The following ATP5MF variants were observed in gnomAD, a reference collection of about 807,000 sequenced individuals.
The protein encoded by ATP5MF is ATP synthase membrane subunit f.
Under a neutral mutation model 13.8 loss-of-function variants are expected in ATP5MF, and 10 were observed. The observed-to-expected ratio is 0.72, with a 90% CI of 0.45 to 1.23. The LOEUF (loss-of-function observed/expected upper bound fraction) is 1.23. Among genes scored for constraint, ATP5MF ranks in the 50% most tolerant of loss-of-function variants. The pLI is 0.00. For synonymous variants in ATP5MF, 40 were observed against 45.8 expected (o/e 0.87, Z 0.51); for missense variants, 122 against 118.2 (o/e 1.03, Z -0.15).
chr7:99,461,298 C>G (rs1040603035), intron 1 of ATP5MF, among the ~76,000 whole-genome samples: 1 of 152,040 alleles, frequency 6.6e-6, no homozygotes, highest in Non-Finnish European at 1.5e-5. Context: ...CTCACTGAGC[C>G]TCCTGGACTC....
At chr7:99,464,964 C>CA (rs201117864) in intron 1 of ATP5MF, among the ~76,000 whole-genome samples, 13,607 of 147,638 alleles carry the variant, frequency 0.092, 1,014 homozygotes, top group African/African-American at 0.21. Flanking sequence ...GACTCCATGT[C>CA]AAAAAAAAAG....
chr7:99,465,004 A>AGTC (rs1302763267), intron 1 of ATP5MF, among the ~76,000 whole-genome samples: 1 of 152,008 alleles, frequency 6.6e-6, no homozygotes, highest in Non-Finnish European at 1.5e-5. Context: ...TCACACCTGT[A>AGTC]GTCCCAGCAC....
At chr7:99,464,113 G>A (rs758929849) in intron 1 of ATP5MF, among the ~76,000 whole-genome samples, 14 of 152,182 alleles carry the variant, frequency 9.2e-5, no homozygotes, top group East Asian at 1.9e-4. Flanking sequence ...AGCTCACACC[G>A]ACTGAGTACT....
Position 99,466,143 on chromosome 7 carries a change from T to C in ATP5MF, c.-2A>G. 6.2e-7 allele frequency: 1 copy of C among 1,614,190 alleles called. No individual in the cohort carries two copies. Among genetic ancestry groups the C allele is most frequent in the Non-Finnish European group, 8.5e-7 (1 of 1,180,028 alleles). On this transcript the variant is annotated 5_prime_UTR_variant, in exon 1 of 4. Transcript: ENST00000292475. Reference sequence around the variant, plus strand: ...CGGACACTCACCAACTGACGCCATTTTGGAGTCCTGGTGTCCGCTGTGCCG... The same window carrying C: ...CGGACACTCACCAACTGACGCCATTCTGGAGTCCTGGTGTCCGCTGTGCCG...
intron 1 of ATP5MF, among the ~76,000 whole-genome samples, chr7:99,463,895 G>A (rs919124701): frequency 3.3e-5 from 5 of 152,182 alleles, no homozygotes; most frequent in Admixed American, 2.0e-4. Flanking sequence ...TGCCAACCGC[G>A]ATCTTATCTA....
chr7:99,462,605 T>C lies in ATP5MF; in HGVS notation c.32-2412A>G, dbSNP rs567004944. The stretch of plus-strand genomic sequence containing the variant: ...GCCTGGCCAACATAGTGAAACCTCA[T>C]CTCTACTAAAAATACAAAAATTAGC... On this transcript the variant is annotated intron_variant, in intron 1 of 3. Coordinates refer to ENST00000292475, the MANE Select transcript of ATP5MF (RefSeq NM_004889.5). 1.3e-3 allele frequency among the ~76,000 whole-genome samples: 201 copies of C among 150,218 alleles called. 1 individual carries two copies. Among genetic ancestry groups the C allele is most frequent in the African/African-American group, 4.6e-3 (189 of 40,682 alleles).
At chr7:99,459,718 T>C (rs35296070) in intron 2 of ATP5MF, 7,144 of 262,030 alleles carry the variant, frequency 0.027, 123 homozygotes, top group South Asian at 0.046. Flanking sequence ...CAGGCCAAGA[T>C]AGGCCATTTC....
intron 3 of ATP5MF, 81 bp downstream of exon 3, chr7:99,459,066 G>C: frequency 9.5e-7 from 1 of 1,055,722 alleles, no homozygotes; most frequent in Non-Finnish European, 1.5e-6. Flanking sequence ...CTCAGAAGAA[G>C]GTGGGCTGCT....
At chr7:99,459,019 T>C in intron 3 of ATP5MF, 128 bp downstream of exon 3, 1 of 660,974 alleles carries the variant, frequency 1.5e-6, no homozygotes, top group Non-Finnish European at 2.6e-6. Flanking sequence ...TTCTTTTAGG[T>C]GGAAACATAA....
At chr7:99,462,288 T>TAAAAAAA (rs755455949) in intron 1 of ATP5MF, among the ~76,000 whole-genome samples, 15 of 30,872 alleles carry the variant, frequency 4.9e-4, no homozygotes, top group Non-Finnish European at 7.0e-4. Context: ...CCATCACTAC[T>TAAAAAAA]AAAAAAAAAA....
At chr7:99,465,724 G>A (rs759867056) in intron 1 of ATP5MF, among the ~76,000 whole-genome samples, 5 of 152,196 alleles carry the variant, frequency 3.3e-5, no homozygotes, top group Non-Finnish European at 7.3e-5. Context: ...AGCTCCTCCT[G>A]GAGCTTCATC....
At chr7:99,461,568 G>A (rs1798602789) in intron 1 of ATP5MF, among the ~76,000 whole-genome samples, 2 of 152,032 alleles carry the variant, frequency 1.3e-5, no homozygotes, top group African/African-American at 2.4e-5. Flanking sequence ...GGGAGGCCAG[G>A]GCACAGTAGT....
intron 1 of ATP5MF, among the ~76,000 whole-genome samples, chr7:99,464,202 G>C (rs191881513): frequency 3.3e-5 from 5 of 152,352 alleles, no homozygotes; most frequent in Admixed American, 2.6e-4. Flanking sequence ...CTTGACCACA[G>C]CCCTATGCTT....
chr7:99,460,336 G>A (rs1435359673), intron 1 of ATP5MF, 143 bp from the exon 2 acceptor site: 5 of 910,602 alleles, frequency 5.5e-6, no homozygotes, highest in South Asian at 1.5e-5. Flanking sequence ...ATATTATGAA[G>A]AAATATGTCA....
At chr7:99,460,454 C>A (rs1249094779) in intron 1 of ATP5MF, 1 of 683,488 alleles carries the variant, frequency 1.5e-6, no homozygotes, top group Non-Finnish European at 2.7e-6. Flanking sequence ...GGGAGTAACT[C>A]CAGAAAAGGG....
intron 1 of ATP5MF, among the ~76,000 whole-genome samples, chr7:99,460,978 G>C (rs1798575364): frequency 6.6e-6 from 1 of 152,176 alleles, no homozygotes; most frequent in Non-Finnish European, 1.5e-5. Context: ...GAGAAGTCAA[G>C]TGACGAAAAA....
At chr7:99,464,859 T>G (rs1312689842) in intron 1 of ATP5MF, among the ~76,000 whole-genome samples, 3 of 151,148 alleles carry the variant, frequency 2.0e-5, no homozygotes, top group Non-Finnish European at 4.4e-5. Context: ...TCCCAGATAC[T>G]TGGGAGGCTG....
chr7:99,458,395 T>C, intron 3 of ATP5MF, 40 bp from the exon 4 acceptor site: 3 of 1,590,334 alleles, frequency 1.9e-6, no homozygotes, highest in Non-Finnish European at 1.7e-6. Flanking sequence ...TCTTAAAAGG[T>C]TACAGTGAAG....
chr7:99,460,268 T>G lies in ATP5MF; in HGVS notation c.32-75A>C, dbSNP rs920749786. On this transcript the variant is annotated intron_variant, in intron 1 of 3. Transcript: ENST00000292475. ...CACATATGGCATCCTTTCCTGCCACTGCTTCAACTATGCAATAAAGGTGCA... is the reference window on the plus strand; with the variant it reads ...CACATATGGCATCCTTTCCTGCCACGGCTTCAACTATGCAATAAAGGTGCA... 4.0e-6 allele frequency: 6 copies of G among 1,516,142 alleles called. No homozygotes were observed. The Admixed American group carries it at 8.6e-5, about 22-fold the overall frequency. 93.9% of individuals were successfully genotyped at this position (1,516,142 alleles called of 1,614,324 possible).
Sources: gnomAD v4.1 joint callset for allele counts (sites outside exome capture counted in the v4.1 genomes callset) on GRCh38, gnomAD v4.1.1 for gene constraint, MANE v1.5 for transcripts, NCBI Gene and HGNC (gene_info 2026-07-23, HGNC 2026-07-21) for gene names.